The following BICC1 variants were observed in gnomAD, a reference collection of about 807,000 sequenced individuals.
The protein encoded by BICC1 is protein bicaudal C homolog 1.
A neutral mutation model predicts 111.0 loss-of-function variants in BICC1; 43 were observed. That is an observed-to-expected ratio of 0.39 (90% confidence interval 0.30 to 0.50). BICC1 has a LOEUF of 0.50. Among genes scored for constraint, BICC1 ranks in the 20% least tolerant of loss-of-function variants. The pLI is 0.88. For missense variants in BICC1, 1,091 were observed against 1,203.2 expected (o/e 0.91, Z 1.38); for synonymous variants, 467 against 434.4 (o/e 1.07, Z -0.93).
intron 1 of BICC1, among the ~76,000 whole-genome samples, chr10:58,517,427 T>G (rs1026672117): frequency 6.6e-6 from 1 of 152,062 alleles, no homozygotes; most frequent in Non-Finnish European, 1.5e-5. Flanking sequence ...TTCAGCAAAC[T>G]TTAGTGGATT....
Position 58,646,872 on chromosome 10 carries a change from C to T in BICC1, c.237+25971C>T, listed in dbSNP as rs555343522. Among the ~76,000 whole-genome samples, 18 of 151,954 alleles carry T rather than the reference C, an allele frequency of 1.2e-4. No homozygotes were observed. In the South Asian group the frequency reaches 1.2e-3, roughly 11 times the overall value. On this transcript the variant is annotated intron_variant, in intron 2 of 20. Transcript: ENST00000373886. ...AAATACAACAGAAGGTATTTCTTTT[C>T]GTAGGTTAATATTCTATTTGGAAAC...
intron 2 of BICC1, among the ~76,000 whole-genome samples, chr10:58,678,805 A>G (rs957479982): frequency 1.3e-5 from 2 of 152,198 alleles, no homozygotes; most frequent in African/African-American, 4.8e-5. Context: ...TCCTCAGCAA[A>G]TGTAAAAGAA....
Position 58,521,788 on chromosome 10 carries a change from T to G in BICC1, c.190+8455T>G, listed in dbSNP as rs1164188668. Reference sequence around the variant, plus strand: ...GTGGTGTTTTTTTTTTTTTTTTTTTTTTTTTTTTTTTTTTTTTTGAGGGAG... The same window carrying G: ...GTGGTGTTTTTTTTTTTTTTTTTTTGTTTTTTTTTTTTTTTTTTGAGGGAG... On this transcript the variant is annotated intron_variant, in intron 1 of 20. Transcript: ENST00000373886. 3.6e-3 allele frequency among the ~76,000 whole-genome samples: 136 copies of G among 37,890 alleles called. 10 individuals carry two copies. The highest frequency in any genetic ancestry group is 0.019 in the African/African-American group (125 of 6,716). The allele number at this position is 37,890 out of a possible 152,430, so 24.9% of individuals were successfully genotyped here. A position where few individuals can be genotyped will look rare whatever the true frequency, so the allele number is the denominator to read the frequency against.
chr10:58,746,091 G>A (rs182065767), intron 3 of BICC1, among the ~76,000 whole-genome samples: 99 of 152,182 alleles, frequency 6.5e-4, no homozygotes, highest in Admixed American at 1.2e-3. Context: ...TCATATTTTT[G>A]TAGCAATCCA....
chr10:58,811,110 C>T (rs1361946556), intron 17 of BICC1, among the ~76,000 whole-genome samples: 1 of 152,144 alleles, frequency 6.6e-6, no homozygotes, highest in Non-Finnish European at 1.5e-5. Context: ...CACTTTGAAG[C>T]TTTTTTTGTT....
At chr10:58,592,801 C>T (rs1166687625) in intron 1 of BICC1, among the ~76,000 whole-genome samples, 18 of 141,994 alleles carry the variant, frequency 1.3e-4, no homozygotes, top group Admixed American at 1.2e-3. Flanking sequence ...TGCTTGAACC[C>T]GGGAGGTGGA....
At chr10:58,647,360 A>G (rs959370228) in intron 2 of BICC1, among the ~76,000 whole-genome samples, 1 of 152,212 alleles carries the variant, frequency 6.6e-6, no homozygotes. Context: ...GTATTATTTT[A>G]GGAAAGAGCA....
chr10:58,668,849 C>T (rs1184605519), intron 2 of BICC1, among the ~76,000 whole-genome samples: 1 of 152,000 alleles, frequency 6.6e-6, no homozygotes, highest in Admixed American at 6.6e-5. Flanking sequence ...CTTTTTCTCC[C>T]TACCATCCAG....
At chr10:58,820,898 G>T (rs753107951) in intron 20 of BICC1, among the ~76,000 whole-genome samples, 2 of 152,082 alleles carry the variant, frequency 1.3e-5, no homozygotes, top group East Asian at 3.9e-4. Context: ...AAAGAATGCT[G>T]GTTGAATCTG....
chr10:58,625,257 T>C (rs986905142), intron 2 of BICC1, among the ~76,000 whole-genome samples: 2 of 152,224 alleles, frequency 1.3e-5, no homozygotes, highest in Non-Finnish European at 2.9e-5. Flanking sequence ...TATTTCCTTT[T>C]AATCAGTTCT....
At position 58,785,096 on chromosome 10, in the gene BICC1, G is replaced by A. The variant is rs1476288147; in HGVS notation, c.387+16G>A. On this transcript the variant is annotated intron_variant, in intron 4 of 20. Transcript: ENST00000373886. Reference sequence around the variant, plus strand: ...AGACACAAAAGTAAGTGAATGTTAAGGACACTCAGATGTCAGAACCTTGTC... The same window carrying A: ...AGACACAAAAGTAAGTGAATGTTAAAGACACTCAGATGTCAGAACCTTGTC... 1.3e-6 allele frequency: 2 copies of A among 1,507,922 alleles called. No individual in the cohort carries two copies. The highest frequency in any genetic ancestry group is 2.4e-5 in the East Asian group (1 of 42,302). The allele number at this position is 1,507,922 out of a possible 1,614,324, so 93.4% of individuals were successfully genotyped here.
rs777910480 is a variant in BICC1, at chr10:58,777,395, G to C, written c.308-7606G>C. On this transcript the variant is annotated intron_variant, in intron 3 of 20. Transcript: ENST00000373886. ...AACTCTTCCATCGCTGATTATATTG[G>C]AAATACTGGTATTCCATCACCAAAA... 3.3e-5 allele frequency among the ~76,000 whole-genome samples: 5 copies of C among 152,176 alleles called. No homozygotes were observed. In the South Asian group the frequency reaches 6.2e-4, roughly 19 times the overall value.
intron 1 of BICC1, among the ~76,000 whole-genome samples, chr10:58,607,189 G>T (rs1381019531): frequency 6.6e-6 from 1 of 151,966 alleles, no homozygotes; most frequent in Non-Finnish European, 1.5e-5. Flanking sequence ...GGTGGTGCAT[G>T]CCTGTAATCC....
intron 17 of BICC1, 24 bp downstream of exon 17, chr10:58,807,182 A>G (rs752107541): frequency 1.3e-6 from 2 of 1,595,152 alleles, no homozygotes; most frequent in Admixed American, 3.5e-5. Flanking sequence ...TGTCCTACTC[A>G]TTCTTCCTGT....
In BICC1 at chr10:58,785,007, A is replaced by G. The variant is rs1337164767; in HGVS notation, c.314A>G (p.His105Arg). The G allele has an allele frequency of 3.8e-6, 6 of 1,572,758 alleles. No homozygotes were observed. The highest frequency in any genetic ancestry group is 5.2e-6 in the Non-Finnish European group (6 of 1,148,750). The change falls in exon 4 of 21, where the codon CAT becomes CGT. Residue 105 changes from histidine to arginine, a missense_variant. Physicochemically the swap from His to Arg is conservative, Grantham distance 29. This residue lies in a region of BICC1 where 843 missense variants were observed against 900.8 expected (regional missense o/e 0.94). Coordinates refer to ENST00000373886, the MANE Select transcript of BICC1 (RefSeq NM_001080512.3). ...KIGAKSKKDP[H>R]IKVSGKKEDV... ...TTTTATTTCTTTCTTATAGATCCCCATATTAAGGTTTCTGGAAAGAAAGAA... is the reference window on the plus strand; with the variant it reads ...TTTTATTTCTTTCTTATAGATCCCCGTATTAAGGTTTCTGGAAAGAAAGAA...
At chr10:58,621,279 T>C (rs760424127) in intron 2 of BICC1, among the ~76,000 whole-genome samples, 22 of 152,202 alleles carry the variant, frequency 1.4e-4, no homozygotes, top group Non-Finnish European at 2.8e-4. Context: ...GGAGCTTTTC[T>C]AAAGATATTT....
intron 3 of BICC1, among the ~76,000 whole-genome samples, chr10:58,726,442 G>T (rs1841107508): frequency 6.6e-6 from 1 of 152,136 alleles, no homozygotes; most frequent in South Asian, 2.1e-4. Flanking sequence ...TTAACTTGTA[G>T]GTTCTTTGGC....
rs181507871 is a variant in BICC1 at position 58,572,120 on chromosome 10, G to A, written c.191-48735G>A. Among the ~76,000 whole-genome samples the A allele has an allele frequency of 2.1e-3, 324 of 152,016 alleles. 1 individual carries two copies. The highest frequency in any genetic ancestry group is 2.9e-3 in the Non-Finnish European group (195 of 67,950). On this transcript the variant is annotated intron_variant, in intron 1 of 20. Coordinates refer to ENST00000373886, the MANE Select transcript of BICC1 (RefSeq NM_001080512.3). Reference sequence around the variant, plus strand: ...GAGCTGTTTTTCATGTTTGTTGGCCGCATGTATGTCTTAAGAAGTGTCTGT... The same window carrying A: ...GAGCTGTTTTTCATGTTTGTTGGCCACATGTATGTCTTAAGAAGTGTCTGT...
intron 3 of BICC1, among the ~76,000 whole-genome samples, chr10:58,732,741 C>T (rs950063859): frequency 2.0e-5 from 3 of 151,862 alleles, no homozygotes; most frequent in African/African-American, 7.3e-5. Flanking sequence ...TATTTTGCAC[C>T]ACTGCATTCC....
Sources: gnomAD v4.1 joint callset for allele counts (sites outside exome capture counted in the v4.1 genomes callset) on GRCh38, gnomAD v4.1.1 for gene constraint, gnomAD v4.1.1 regional missense constraint, MANE v1.5 for transcripts, NCBI Gene and HGNC (gene_info 2026-07-23, HGNC 2026-07-21) for gene names.